RXRA: variants seen among roughly 807,000 people sequenced by gnomAD.
The protein encoded by RXRA is retinoid X receptor alpha.
In RXRA, 5 loss-of-function variants were observed where a neutral mutation model predicts 44.5. The observed-to-expected ratio is 0.11, with a 90% CI of 0.06 to 0.24. The LOEUF is 0.24. Among genes scored for constraint, RXRA ranks in the 10% least tolerant of loss-of-function variants. The pLI is 1.00. For missense variants in RXRA, 412 were observed against 646.5 expected, an observed-to-expected ratio of 0.64 and a Z score of 3.93; for synonymous variants, 291 against 271.4, an observed-to-expected ratio of 1.07 and a Z score of -0.71.
rs1309573529 is a variant in RXRA, at chr9:134,379,189, G to A, written c.29-22443G>A. The A allele has an allele frequency of 1.1e-5, 9 of 819,972 alleles. No homozygotes were observed. In the Admixed American group the frequency reaches 1.9e-4, roughly 17 times the overall value. The allele number at this position is 819,972 out of a possible 1,614,324, so 50.8% of individuals were successfully genotyped here. A position where few individuals can be genotyped will look rare whatever the true frequency, so the allele number is the denominator to read the frequency against. On this transcript the variant is annotated intron_variant, in intron 1 of 9. Transcript: ENST00000481739. ...CAGGACCCGGAATTATGCTGTTCTC[G>A]GTTGGACCTGCTTGTCCGTGCTTAA... is the stretch of plus-strand genomic sequence containing the variant.
chr9:134,364,182 C>CAGTG (rs1288285065), intron 1 of RXRA, among the ~76,000 whole-genome samples: 4 of 152,236 alleles, frequency 2.6e-5, no homozygotes, highest in Admixed American at 6.5e-5. Context: ...ACTTCCCACT[C>CAGTG]AGTGGGGTGA....
At chr9:134,369,538 G>A (rs1420626663) in intron 1 of RXRA, among the ~76,000 whole-genome samples, 2 of 151,592 alleles carry the variant, frequency 1.3e-5, no homozygotes, top group Non-Finnish European at 2.9e-5. Flanking sequence ...GGTTATGTGT[G>A]TTGGAGATCG....
chr9:134,332,924 C>T lies in RXRA; in HGVS notation c.28+6265C>T, dbSNP rs569575010. 5.3e-5 allele frequency among the ~76,000 whole-genome samples: 8 copies of T among 152,218 alleles called. No homozygotes were observed. The South Asian group carries it at 1.4e-3, about 28-fold the overall frequency. ...AAGGGGGGAGGATTCCTAGCATCTT[C>T]CTGGGGGCTTAGGCCAGGTCCCTGG... On this transcript the variant is annotated intron_variant, in intron 1 of 9. Transcript: ENST00000481739.
At chr9:134,356,874 G>A (rs745470639) in intron 1 of RXRA, among the ~76,000 whole-genome samples, 12 of 152,158 alleles carry the variant, frequency 7.9e-5, no homozygotes, top group Non-Finnish European at 1.3e-4. Flanking sequence ...CACCACCCTC[G>A]ATGGCCCTGG....
chr9:134,340,282 G>A (rs527260624), intron 1 of RXRA, among the ~76,000 whole-genome samples: 2 of 152,322 alleles, frequency 1.3e-5, no homozygotes, highest in Admixed American at 1.3e-4. Context: ...ACAGGAGAAT[G>A]AGAAGCTGTA....
chr9:134,358,464 G>A (rs1830310640), intron 1 of RXRA, among the ~76,000 whole-genome samples: 1 of 152,332 alleles, frequency 6.6e-6, no homozygotes. Flanking sequence ...GAGAGTTCCG[G>A]GGCCTGTAAT....
At chr9:134,434,348 C>T (rs1161307782) in intron 9 of RXRA, 141 bp downstream of exon 9, 13 of 624,344 alleles carry the variant, frequency 2.1e-5, no homozygotes, top group South Asian at 1.7e-4. Context: ...CCTGAGCAGG[C>T]AGCAGGAGGT....
chr9:134,436,492 C>G lies in RXRA; in HGVS notation c.1267C>G (p.Pro423Ala), dbSNP rs776297158. The G allele has an allele frequency of 6.2e-7, 1 of 1,614,154 alleles. No homozygotes were observed. The highest frequency in any genetic ancestry group is 8.5e-7 in the Non-Finnish European group (1 of 1,180,028). ...GRFAKLLLRL[P>A]ALRSIGLKCL... ...GTTCGCTAAGCTCTTGCTCCGCCTG[C>G]CGGCTCTGCGCTCCATCGGGCTCAA... Residue 423 changes from proline (P) to alanine (A), a missense_variant, in exon 10 of 10, where the codon CCG becomes GCG. Coordinates refer to ENST00000481739, the MANE Select transcript of RXRA (RefSeq NM_002957.6).
chr9:134,427,462 C>A (rs1005611302), intron 6 of RXRA, among the ~76,000 whole-genome samples: 1 of 152,218 alleles, frequency 6.6e-6, no homozygotes, highest in Non-Finnish European at 1.5e-5. Context: ...CCCGTGGTGC[C>A]GTCTGCATGC....
rs530640824 is a variant in RXRA at position 134,402,908 on chromosome 9, C to G, written c.279+1026C>G. The G allele has an allele frequency of 2.6e-5, 4 of 152,222 alleles. No homozygotes were observed. In the East Asian group the frequency reaches 7.8e-4, roughly 30 times the overall value. 9.4% of individuals were successfully genotyped at this position (152,222 alleles called of 1,614,324 possible). The stretch of plus-strand genomic sequence containing the variant: ...AGTTTTGGTGCCATCTCAGGACAGC[C>G]CACCCGGGTGGGACTCGCCCTAGGA... On this transcript the variant is annotated intron_variant, in intron 2 of 9. Coordinates refer to ENST00000481739, the MANE Select transcript of RXRA (RefSeq NM_002957.6).
chr9:134,406,496 A>G (rs565497113), intron 2 of RXRA: 1 of 152,250 alleles, frequency 6.6e-6, no homozygotes, highest in South Asian at 2.1e-4. Flanking sequence ...CATTTTCCGA[A>G]TGTCACACGA....
intron 1 of RXRA, among the ~76,000 whole-genome samples, chr9:134,360,782 T>C (rs1334839208): frequency 2.0e-5 from 3 of 152,028 alleles, no homozygotes; most frequent in Non-Finnish European, 4.4e-5. Flanking sequence ...CTGGGACTCA[T>C]TGGATTGAGG....
intron 4 of RXRA, among the ~76,000 whole-genome samples, chr9:134,409,373 C>T (rs939723909): frequency 1.3e-5 from 2 of 152,168 alleles, no homozygotes; most frequent in African/African-American, 4.8e-5. Context: ...CAAGGAGACC[C>T]TCAGGTGGCA....
In RXRA at chr9:134,401,801, G is replaced by T. The variant is rs556693054; in HGVS notation, c.198G>T (p.Ser66=). The T allele has an allele frequency of 6.2e-7, 1 of 1,612,872 alleles. No homozygotes were observed. The highest frequency in any genetic ancestry group is 1.7e-5 in the Admixed American group (1 of 59,990). ...TCAACGGCATGGGCCCGCCTTTCTC[G>T]GTCATCAGCTCCCCCATGGGCCCCC... The part of the protein sequence containing the change: ...SPINGMGPPF[S]VISSPMGPHS... The change falls in exon 2 of 10, where the codon TCG becomes TCT. Residue 66 remains serine (S), a synonymous_variant. Coordinates refer to ENST00000481739, the MANE Select transcript of RXRA (RefSeq NM_002957.6).
intron 1 of RXRA, among the ~76,000 whole-genome samples, chr9:134,354,000 A>T (rs1323025855): frequency 6.6e-6 from 1 of 152,176 alleles, no homozygotes; most frequent in African/African-American, 2.4e-5. Context: ...GGGGGCCACA[A>T]GCTCCTGGGG....
intron 6 of RXRA, chr9:134,425,553 TGGGGGGGGGTGA>T: frequency 7.2e-6 from 1 of 138,294 alleles, no homozygotes; most frequent in Non-Finnish European, 8.7e-6. Flanking sequence ...GGGTGGGGGG[TGGGGGGGGGTGA>T]GGGGGGTGGG....
At chr9:134,370,697 A>G (rs973652160) in intron 1 of RXRA, among the ~76,000 whole-genome samples, 1 of 150,638 alleles carries the variant, frequency 6.6e-6, no homozygotes, top group Non-Finnish European at 1.5e-5. Context: ...TGGGCTGCAG[A>G]CTGGGGCCAG....
intron 1 of RXRA, among the ~76,000 whole-genome samples, chr9:134,346,343 C>T (rs1554748802): frequency 6.6e-6 from 1 of 152,136 alleles, no homozygotes; most frequent in Admixed American, 6.5e-5. Flanking sequence ...ACTTGCTGTC[C>T]CCTCCCCCAA....
At chr9:134,424,998 G>A (rs944873876) in intron 6 of RXRA, 29 of 985,326 alleles carry the variant, frequency 2.9e-5, no homozygotes, top group African/African-American at 1.4e-4. Context: ...GGTCACTTCC[G>A]CTGGGCGACA....
Sources: allele counts gnomAD v4.1 joint callset (sites outside exome capture counted in the v4.1 genomes callset), GRCh38; gene constraint gnomAD v4.1.1; transcripts MANE v1.5; gene names NCBI Gene and HGNC (gene_info 2026-07-23, HGNC 2026-07-21).